Variants in GPR158 observed in about 807,000 individuals in gnomAD.
GPR158 encodes G protein-coupled receptor 158, also known as metabotropic glycine receptor.
Under a neutral mutation model 78.2 loss-of-function variants are expected in GPR158, and 30 were observed. The ratio of observed to expected loss-of-function variants is 0.38; its 90% CI spans 0.29 to 0.52. The LOEUF is 0.52. Among genes scored for constraint, GPR158 ranks in the 20% least tolerant of loss-of-function variants. The probability of loss-of-function intolerance (pLI) is 0.83; values close to 1 mark genes in which losing one functional copy is unlikely to be tolerated. For missense variants in GPR158, 1,463 were observed against 1,523.5 expected (o/e 0.96, Z 0.66); for synonymous variants, 581 against 591.1 (o/e 0.98, Z 0.25).
At chr10:25,246,026 C>T (rs192417738) in intron 2 of GPR158, among the ~76,000 whole-genome samples, 3 of 152,314 alleles carry the variant, frequency 2.0e-5, no homozygotes, top group East Asian at 1.9e-4. Context: ...GCTATTGGCA[C>T]ATAGCCATGT....
intron 4 of GPR158, among the ~76,000 whole-genome samples, chr10:25,416,209 G>A (rs1423373700): frequency 2.0e-5 from 3 of 152,068 alleles, no homozygotes. Context: ...CACATTGGGG[G>A]CCAAGTATGA....
chr10:25,381,807 G>A (rs1052650014), intron 2 of GPR158, among the ~76,000 whole-genome samples: 1 of 151,884 alleles, frequency 6.6e-6, no homozygotes, highest in Non-Finnish European at 1.5e-5. Context: ...ATTTATTTTA[G>A]CAAAATATTT....
rs555035147 is a variant in GPR158 at position 25,370,638 on chromosome 10, T to C, written c.1009-25273T>C. Reference sequence around the variant, plus strand: ...GTGGTGTGGTGCTGAAAAAAATGTATATTCTGTTGATTTGGGGTGGAGAGT... The same window carrying C: ...GTGGTGTGGTGCTGAAAAAAATGTACATTCTGTTGATTTGGGGTGGAGAGT... On this transcript the variant is annotated intron_variant, in intron 2 of 10. Coordinates refer to ENST00000376351, the MANE Select transcript of GPR158 (RefSeq NM_020752.3). Among the ~76,000 whole-genome samples, 3 of 149,450 alleles carry C rather than the reference T, an allele frequency of 2.0e-5. No individual in the cohort carries two copies. In the South Asian group the frequency reaches 6.5e-4, roughly 33 times the overall value.
chr10:25,395,951 A>G lies in GPR158; in HGVS notation c.1049A>G (p.Tyr350Cys). The G allele has an allele frequency of 6.2e-7, 1 of 1,609,140 alleles. No individual in the cohort carries two copies. ...GGCCTAGGATTCGTTCTTGGAGCCT[A>G]TGAGTGCATTTGCAAAGCAGGATTC... ...IKGLGFVLGA[Y>C]ECICKAGFYH... The change falls in exon 3 of 11, where the codon TAT becomes TGT. Residue 350 changes from tyrosine to cysteine, a missense_variant. Physicochemically the swap from Tyr to Cys is radical, Grantham distance 194. Transcript: ENST00000376351.
chr10:25,558,019 C>T (rs1215968822), intron 6 of GPR158, among the ~76,000 whole-genome samples: 1 of 152,344 alleles, frequency 6.6e-6, no homozygotes, highest in East Asian at 1.9e-4. Context: ...CATCTACGTT[C>T]AAAGCTTTTC....
intron 5 of GPR158, among the ~76,000 whole-genome samples, chr10:25,509,013 G>C (rs368763489): frequency 1.3e-5 from 2 of 152,122 alleles, no homozygotes; most frequent in Non-Finnish European, 2.9e-5. Flanking sequence ...TATTGGCCTC[G>C]TTCAAGGATT....
intron 5 of GPR158, among the ~76,000 whole-genome samples, chr10:25,498,927 C>A (rs903740376): frequency 6.6e-6 from 1 of 152,094 alleles, no homozygotes; most frequent in Non-Finnish European, 1.5e-5. Context: ...TGCTTGAGGA[C>A]TTTCGGAACC....
intron 1 of GPR158, among the ~76,000 whole-genome samples, chr10:25,193,991 C>G (rs555681431): frequency 2.0e-5 from 3 of 152,126 alleles, no homozygotes; most frequent in South Asian, 2.1e-4. Context: ...TCAAGACACA[C>G]ATAGCAGTAG....
intron 6 of GPR158, among the ~76,000 whole-genome samples, chr10:25,565,491 T>G (rs1350031100): frequency 6.6e-6 from 1 of 152,164 alleles, no homozygotes; most frequent in Middle Eastern, 3.2e-3. Flanking sequence ...GATTGTGGCA[T>G]GTTTGAAAGG....
At chr10:25,390,078 C>T (rs1046744377) in intron 2 of GPR158, among the ~76,000 whole-genome samples, 3 of 152,190 alleles carry the variant, frequency 2.0e-5, no homozygotes, top group African/African-American at 7.2e-5. Flanking sequence ...GCTTTGGCTC[C>T]TCTTTTGCCC....
At chr10:25,516,418 T>C (rs1198007361) in intron 5 of GPR158, among the ~76,000 whole-genome samples, 1 of 152,138 alleles carries the variant, frequency 6.6e-6, no homozygotes, top group Non-Finnish European at 1.5e-5. Flanking sequence ...CCATTGCTTT[T>C]GGTGTTTTGG....
At position 25,196,566 on chromosome 10, in the gene GPR158, G is replaced by A. The variant is rs578239387; in HGVS notation, c.902+20244G>A. On this transcript the variant is annotated intron_variant, in intron 1 of 10. Coordinates refer to ENST00000376351, the MANE Select transcript of GPR158 (RefSeq NM_020752.3). The stretch of plus-strand genomic sequence containing the variant: ...GTTAAATTGTAAAGTTAGGTGGGAC[G>A]TATCTTGTGACACATGTGCAGGCCT... Among the ~76,000 whole-genome samples, 5 of 152,304 alleles carry A rather than the reference G, an allele frequency of 3.3e-5. No individual in the cohort carries two copies. In the East Asian group the frequency reaches 5.8e-4, roughly 18 times the overall value.
chr10:25,449,970 T>C (rs1210538743), intron 4 of GPR158, among the ~76,000 whole-genome samples: 2 of 149,374 alleles, frequency 1.3e-5, no homozygotes, highest in South Asian at 2.1e-4. Flanking sequence ...CTAAGTAAAC[T>C]GAGAAGCAAA....
chr10:25,277,322 A>G (rs1250096874), intron 2 of GPR158, among the ~76,000 whole-genome samples: 1 of 152,174 alleles, frequency 6.6e-6, no homozygotes, highest in African/African-American at 2.4e-5. Context: ...TAAAGTTATA[A>G]TGAGTAGGAT....
chr10:25,297,148 C>T (rs1854526828), intron 2 of GPR158, among the ~76,000 whole-genome samples: 1 of 152,118 alleles, frequency 6.6e-6, no homozygotes, highest in African/African-American at 2.4e-5. Flanking sequence ...TGATGTATTC[C>T]ATATCAGAAG....
Position 25,345,278 on chromosome 10 carries a change from C to G in GPR158, c.1009-50633C>G, listed in dbSNP as rs184286740. The stretch of plus-strand genomic sequence containing the variant: ...CTACTAAGCCTCTCTCTGACGGAGG[C>G]TCTTCTGTTGCCCATCTTACCACTT... On this transcript the variant is annotated intron_variant, in intron 2 of 10. Coordinates refer to ENST00000376351, the MANE Select transcript of GPR158 (RefSeq NM_020752.3). Among the ~76,000 whole-genome samples, 109 of 152,080 alleles carry G rather than the reference C, an allele frequency of 7.2e-4. 2 individuals are homozygous for G. The highest frequency in any genetic ancestry group is 1.3e-3 in the Non-Finnish European group (86 of 67,940).
chr10:25,370,126 A>C (rs1314118407), intron 2 of GPR158, among the ~76,000 whole-genome samples: 1 of 94,886 alleles, frequency 1.1e-5, no homozygotes, highest in South Asian at 3.1e-4. Flanking sequence ...CAGCTCCTGG[A>C]TTCGTTAATT....
chr10:25,401,135 A>G (rs529790061), intron 3 of GPR158, among the ~76,000 whole-genome samples: 7 of 152,164 alleles, frequency 4.6e-5, no homozygotes, highest in South Asian at 2.1e-4. Context: ...GAGTCGGGAC[A>G]TTTGCTTTCT....
At chr10:25,226,706 C>T (rs1377429227) in intron 2 of GPR158, among the ~76,000 whole-genome samples, 2 of 152,116 alleles carry the variant, frequency 1.3e-5, no homozygotes, top group Non-Finnish European at 2.9e-5. Context: ...TCACACTCTT[C>T]TTTTGGAATG....
Sources: gnomAD v4.1 joint callset for allele counts (sites outside exome capture counted in the v4.1 genomes callset) on GRCh38, gnomAD v4.1.1 for gene constraint, MANE v1.5 for transcripts, NCBI Gene and HGNC (gene_info 2026-07-23, HGNC 2026-07-21) for gene names.